The following BMP7 variants were observed in gnomAD, a reference collection of about 807,000 sequenced individuals.
BMP7 encodes the protein bone morphogenetic protein 7.
A neutral mutation model predicts 41.2 loss-of-function variants in BMP7; 12 were observed. The observed-to-expected ratio is 0.29, with a 90% CI of 0.19 to 0.47. The LOEUF (loss-of-function observed/expected upper bound fraction) is 0.47, where lower values mean the gene tolerates loss of function less well. Ranked by LOEUF, BMP7 falls within the 20% of genes least tolerant of loss-of-function variation. BMP7 has a pLI of 0.99. For synonymous variants in BMP7, 248 were observed against 250.0 expected (o/e 0.99, Z 0.07); for missense variants, 467 against 606.0 (o/e 0.77, Z 2.41).
chr20:57,258,209 GC>G (rs1483322769), intron 1 of BMP7, among the ~76,000 whole-genome samples: 1 of 152,232 alleles, frequency 6.6e-6, no homozygotes, highest in East Asian at 1.9e-4. Context: ...AGTATAAAGA[GC>G]TGAAGGGAAT....
chr20:57,237,323 A>C (rs2066051755), intron 1 of BMP7, among the ~76,000 whole-genome samples: 1 of 152,098 alleles, frequency 6.6e-6, no homozygotes, highest in Admixed American at 6.6e-5. Flanking sequence ...CATATCCCGG[A>C]ACGTCCCCGG....
intron 2 of BMP7, among the ~76,000 whole-genome samples, chr20:57,216,482 ACGAGGGCGCTGTCTCCTGAGGG>A (rs1568718045): frequency 1.1e-4 from 15 of 131,706 alleles, no homozygotes; most frequent in Middle Eastern, 3.5e-3. Flanking sequence ...GCACCTGAGG[ACGAGGGCGCTGTCTCCTGAGGG>A]CGAGGGGGCT....
intron 4 of BMP7, among the ~76,000 whole-genome samples, chr20:57,178,196 C>T (rs1011300595): frequency 1.2e-4 from 19 of 152,170 alleles, no homozygotes; most frequent in Admixed American, 2.6e-4. Context: ...TCCTGCATGA[C>T]GATGCTGAGC....
At chr20:57,236,351 G>A (rs912510987) in intron 1 of BMP7, among the ~76,000 whole-genome samples, 14 of 152,216 alleles carry the variant, frequency 9.2e-5, no homozygotes, top group Non-Finnish European at 1.6e-4. Flanking sequence ...AAGTGGTAGG[G>A]AAGAAACACG....
rs754245174 is a variant in BMP7, at chr20:57,228,326, CT to C, written c.513del (p.Ala172ProfsTer93). On this transcript the variant is annotated frameshift_variant, in exon 2 of 7. Transcript: ENST00000395863. LOFTEE classifies it high-confidence loss of function. This position sits in a 1 kb window ranked among gnomAD's most constrained non-coding sequence, Gnocchi z 4.5. ...SKIPEGEAVT[A>X]AEFRIYKDYI... ...TAGTCCTTGTAGATCCGGAATTCGGCTGCCGTGACAGCTTCCCCTTCTGGGA... is the reference window on the plus strand; with the variant it reads ...TAGTCCTTGTAGATCCGGAATTCGGCGCCGTGACAGCTTCCCCTTCTGGGA... 2.5e-6 allele frequency: 4 copies of C among 1,614,184 alleles called. No individual in the cohort carries two copies. The highest frequency in any genetic ancestry group is 3.4e-6 in the Non-Finnish European group (4 of 1,180,032).
intron 3 of BMP7, among the ~76,000 whole-genome samples, chr20:57,195,985 C>T (rs1984481981): frequency 1.3e-5 from 2 of 152,086 alleles, no homozygotes; most frequent in Non-Finnish European, 1.5e-5. Flanking sequence ...GAAAAGGGTC[C>T]CCAACGAGGG....
intron 3 of BMP7, among the ~76,000 whole-genome samples, chr20:57,187,581 C>CTCTA (rs1160214449): frequency 6.6e-6 from 1 of 151,544 alleles, no homozygotes; most frequent in Non-Finnish European, 1.5e-5. Context: ...CTCTCTCTCT[C>CTCTA]TCTACACGAT....
rs1244904776 is a variant in BMP7, at chr20:57,261,637, G to A, written c.418+4068C>T. Among the ~76,000 whole-genome samples, 1 of 152,206 alleles carries A rather than the reference G, an allele frequency of 6.6e-6. No homozygotes were observed. The highest frequency in any genetic ancestry group is 1.5e-5 in the Non-Finnish European group (1 of 68,044). ...AGCAAAGGCGCTCTGCAGAAAGAAA[G>A]AAGGGGGGAGCTGTGTGACATCTAT... is the stretch of plus-strand genomic sequence containing the variant. On this transcript the variant is annotated intron_variant, in intron 1 of 6. Coordinates refer to ENST00000395863, the MANE Select transcript of BMP7 (RefSeq NM_001719.3). This position sits in a 1 kb window ranked among gnomAD's most constrained non-coding sequence, Gnocchi z 4.1.
rs1983762948 is a variant in BMP7 at position 57,169,391 on chromosome 20, A to T, written c.*1568T>A. The T allele has an allele frequency of 6.6e-6, 1 of 152,212 alleles. No individual in the cohort carries two copies. Among genetic ancestry groups the T allele is most frequent in the African/African-American group, 2.4e-5 (1 of 41,452 alleles). The allele number at this position is 152,212 out of a possible 1,614,324, so 9.4% of individuals were successfully genotyped here. ...GTTTGTGGCCGGAGGCTGAGTGCAT[A>T]CTATTTATGGGACTCACCAGCCAAG... On this transcript the variant is annotated 3_prime_UTR_variant, in exon 7 of 7. Coordinates refer to ENST00000395863, the MANE Select transcript of BMP7 (RefSeq NM_001719.3).
chr20:57,187,779 C>T (rs571688559), intron 3 of BMP7, among the ~76,000 whole-genome samples: 2 of 152,288 alleles, frequency 1.3e-5, no homozygotes, highest in African/African-American at 4.8e-5. Flanking sequence ...AGATGAAAAA[C>T]CCTTCGATTT....
chr20:57,217,012 C>G (rs1337965340), intron 2 of BMP7, among the ~76,000 whole-genome samples: 1 of 152,160 alleles, frequency 6.6e-6, no homozygotes, highest in Non-Finnish European at 1.5e-5. Context: ...CTCAGAGATG[C>G]TTTTCCTACT....
At chr20:57,190,267 GGA>G (rs1984320988) in intron 3 of BMP7, among the ~76,000 whole-genome samples, 1 of 150,230 alleles carries the variant, frequency 6.7e-6, no homozygotes, top group Non-Finnish European at 1.5e-5. Context: ...AGGTGAGGCT[GGA>G]GAGAGTGAGC....
At position 57,174,495 on chromosome 20, in the gene BMP7, T is replaced by C. The variant is rs1983877519; in HGVS notation, c.1035+436A>G. ...TAACATGACCCCACCCCTGAAACAGTTGACTGGTTCAGGAACAAGTGCCTG... is the reference window on the plus strand; with the variant it reads ...TAACATGACCCCACCCCTGAAACAGCTGACTGGTTCAGGAACAAGTGCCTG... On this transcript the variant is annotated intron_variant, in intron 5 of 6. Coordinates refer to ENST00000395863, the MANE Select transcript of BMP7 (RefSeq NM_001719.3). This position sits in a 1 kb window ranked among gnomAD's most constrained non-coding sequence, Gnocchi z 4.3. Among the ~76,000 whole-genome samples the C allele has an allele frequency of 6.6e-6, 1 of 152,084 alleles. No individual in the cohort carries two copies. The highest frequency in any genetic ancestry group is 6.5e-5 in the Admixed American group (1 of 15,274).
intron 2 of BMP7, among the ~76,000 whole-genome samples, chr20:57,218,414 GTGTT>G (rs200929569): frequency 0.016 from 2,429 of 150,618 alleles, 32 homozygotes; most frequent in Non-Finnish European, 0.025. Flanking sequence ...GTGGTAGCTG[GTGTT>G]TGTTTGGTGG....
At chr20:57,177,538 G>A (rs561618053) in intron 4 of BMP7, among the ~76,000 whole-genome samples, 1 of 152,216 alleles carries the variant, frequency 6.6e-6, no homozygotes, top group Admixed American at 6.5e-5. Context: ...AGTAGAGACG[G>A]GGTTTCACCA....
intron 3 of BMP7, among the ~76,000 whole-genome samples, chr20:57,188,754 C>A (rs958890356): frequency 6.6e-6 from 1 of 152,176 alleles, no homozygotes; most frequent in African/African-American, 2.4e-5. Context: ...TAAATGCCTG[C>A]CTCACCAGCA....
intron 1 of BMP7, among the ~76,000 whole-genome samples, chr20:57,255,261 C>A (rs1369360779): frequency 2.0e-5 from 3 of 152,208 alleles, no homozygotes; most frequent in Non-Finnish European, 2.9e-5. Flanking sequence ...CCTAGCTGTG[C>A]ATGTTTGGGC....
At chr20:57,178,254 G>A (rs370516385) in intron 4 of BMP7, among the ~76,000 whole-genome samples, 6 of 152,320 alleles carry the variant, frequency 3.9e-5, no homozygotes, top group South Asian at 4.1e-4. Flanking sequence ...GAGTAGCATC[G>A]GATAGAGGAT....
chr20:57,201,397 G>A (rs550189161), intron 3 of BMP7, among the ~76,000 whole-genome samples: 35 of 152,178 alleles, frequency 2.3e-4, no homozygotes, highest in Non-Finnish European at 4.6e-4. Flanking sequence ...ACCAGTCTCC[G>A]AGATAAGTCA....
Sources: allele counts gnomAD v4.1 joint callset (sites outside exome capture counted in the v4.1 genomes callset), GRCh38; gene constraint gnomAD v4.1.1; non-coding constraint Gnocchi (gnomAD v3.1); transcripts MANE v1.5; gene names NCBI Gene and HGNC (gene_info 2026-07-23, HGNC 2026-07-21).